The following GDPD5 variants were observed in gnomAD, a reference collection of about 807,000 sequenced individuals.
The protein encoded by GDPD5 is glycerophosphodiester phosphodiesterase 2.
A neutral mutation model predicts 75.1 loss-of-function variants in GDPD5; 48 were observed. The ratio of observed to expected loss-of-function variants is 0.64; its 90% CI spans 0.51 to 0.81. The LOEUF (loss-of-function observed/expected upper bound fraction) is 0.81, where lower values mean the gene tolerates loss of function less well. Among genes scored for constraint, GDPD5 ranks in the 40% least tolerant of loss-of-function variants. The pLI is 0.00. For missense variants in GDPD5, 706 were observed against 822.6 expected (o/e 0.86, Z 1.73); for synonymous variants, 336 against 339.0 (o/e 0.99, Z 0.10).
rs1263115609 is a variant in GDPD5 at position 75,515,783 on chromosome 11, C to T, written c.-145+9427G>A. 2.6e-5 allele frequency among the ~76,000 whole-genome samples: 4 copies of T among 152,214 alleles called. No individual in the cohort carries two copies. In the East Asian group the frequency reaches 7.7e-4, roughly 29 times the overall value. ...TGCTCCACTCCAGAGGTTCCCCTGTCCCTGGCAGGGTCACCCCAGAAGCCA... is the reference window on the plus strand; with the variant it reads ...TGCTCCACTCCAGAGGTTCCCCTGTTCCTGGCAGGGTCACCCCAGAAGCCA... On this transcript the variant is annotated intron_variant, in intron 1 of 16. Transcript: ENST00000336898.
At chr11:75,483,016 C>A (rs927563428) in intron 2 of GDPD5, among the ~76,000 whole-genome samples, 4 of 152,212 alleles carry the variant, frequency 2.6e-5, no homozygotes, top group Non-Finnish European at 1.5e-5. Flanking sequence ...ACTCGGCCGC[C>A]GGGACGATCT....
intron 1 of GDPD5, among the ~76,000 whole-genome samples, chr11:75,519,225 G>C (rs1950705691): frequency 6.6e-6 from 1 of 152,152 alleles, no homozygotes; most frequent in African/African-American, 2.4e-5. Context: ...CCTTTGGAGA[G>C]GAGCTACTCC....
At chr11:75,517,529 C>T (rs905088456) in intron 1 of GDPD5, 1 of 152,160 alleles carries the variant, frequency 6.6e-6, no homozygotes, top group Non-Finnish European at 1.5e-5. Flanking sequence ...GTTCTTCGGT[C>T]CAGCCAGCAG....
intron 1 of GDPD5, among the ~76,000 whole-genome samples, chr11:75,508,569 G>T (rs369775807): frequency 2.2e-3 from 336 of 152,296 alleles, no homozygotes; most frequent in African/African-American, 6.9e-3. Flanking sequence ...TTAAGACAGG[G>T]GGAGAGTTGG....
chr11:75,435,508 TA>T lies in GDPD5; in HGVS notation c.1816del (p.Ter606SerfsTer2). 6.2e-7 allele frequency: 1 copy of T among 1,600,592 alleles called. No homozygotes were observed. The highest frequency in any genetic ancestry group is 8.5e-7 in the Non-Finnish European group (1 of 1,173,606). ...TKTLIERSGR[*>X] is the part of the protein sequence containing the mutation. ...CAGGTGGGACAGACATGTCTTCAGC[TA>T]ACGCCCACTCCGCTCTATGAGGGTC... On this transcript the variant is annotated frameshift_variant and stop_lost, in exon 17 of 17. Coordinates refer to ENST00000336898, the MANE Select transcript of GDPD5 (RefSeq NM_030792.8). LOFTEE classifies it high-confidence loss of function.
chr11:75,522,748 G>A lies in GDPD5; in HGVS notation c.-145+2462C>T, dbSNP rs563378109. ...AGGGTTCAGAAGCTCACTGAACATA[G>A]AGCTATTTCCCTGAGCCTGCCCCCA... On this transcript the variant is annotated intron_variant, in intron 1 of 16. Transcript: ENST00000336898. 6.1e-4 allele frequency among the ~76,000 whole-genome samples: 93 copies of A among 152,224 alleles called. 2 individuals are homozygous for A. Among genetic ancestry groups the A allele is most frequent in the African/African-American group, 2.1e-3 (88 of 41,530 alleles).
chr11:75,474,161 G>A lies in GDPD5; in HGVS notation c.117+3458C>T, dbSNP rs942429822. Among the ~76,000 whole-genome samples, 10 of 152,330 alleles carry A rather than the reference G, an allele frequency of 6.6e-5. 1 individual carries two copies. Among genetic ancestry groups the A allele is most frequent in the African/African-American group, 1.7e-4 (7 of 41,580 alleles). ...CTGAATAACTCCCTTGCTCTTCCTG[G>A]AGGAAATCAATTAAGATTATAGCAG... On this transcript the variant is annotated intron_variant, in intron 3 of 16. Transcript: ENST00000336898.
chr11:75,510,800 T>C (rs74700406), intron 1 of GDPD5, among the ~76,000 whole-genome samples: 3,967 of 148,624 alleles, frequency 0.027, 77 homozygotes, highest in African/African-American at 0.046. Flanking sequence ...TTGACCTCCC[T>C]TGCAACATCT....
At chr11:75,519,547 C>T (rs1950712615) in intron 1 of GDPD5, among the ~76,000 whole-genome samples, 1 of 152,244 alleles carries the variant, frequency 6.6e-6, no homozygotes, top group African/African-American at 2.4e-5. Flanking sequence ...CTAACCTGCA[C>T]TGAGTGCTCA....
chr11:75,469,204 C>T (rs1047606318), intron 3 of GDPD5, among the ~76,000 whole-genome samples: 1 of 152,182 alleles, frequency 6.6e-6, no homozygotes, highest in African/African-American at 2.4e-5. Flanking sequence ...GCCCTGGGAA[C>T]CAGCACCAAT....
rs754023687 is a variant in GDPD5 at position 75,435,663 on chromosome 11, G to A, written c.1670-8C>T. 5.0e-6 allele frequency: 8 copies of A among 1,591,310 alleles called. No homozygotes were observed. The Admixed American group carries it at 1.4e-4, about 27-fold the overall frequency. On this transcript the variant is annotated splice_region_variant and splice_polypyrimidine_tract_variant and intron_variant, in intron 16 of 16. Coordinates refer to ENST00000336898, the MANE Select transcript of GDPD5 (RefSeq NM_030792.8). Reference sequence around the variant, plus strand: ...CTACACCATCGCTGATCTCTGCTGGGCCAGAGGGAGACAGAATGTGAGTCG... The same window carrying A: ...CTACACCATCGCTGATCTCTGCTGGACCAGAGGGAGACAGAATGTGAGTCG...
chr11:75,449,520 T>C lies in GDPD5; in HGVS notation c.565A>G (p.Thr189Ala). The C allele has an allele frequency of 6.4e-7, 1 of 1,569,522 alleles. No homozygotes were observed. Among genetic ancestry groups the C allele is most frequent in the South Asian group, 1.2e-5 (1 of 85,384 alleles). Residue 189 changes from threonine (T) to alanine (A), a missense_variant, in exon 8 of 17, where the codon ACC becomes GCC. Physicochemically the swap from Thr to Ala is moderately conservative, Grantham distance 58. Transcript: ENST00000336898. ...VAGQFARAER[T>A]SSQVTILCTF... ...GGCCCTTCACAGTTCTACTCACAGG[T>C]CCGCTCTGCGCGGGCGAACTGTCCT... is the stretch of plus-strand genomic sequence containing the variant.
At chr11:75,438,474 A>C (rs2135124060) in intron 15 of GDPD5, 1 of 152,418 alleles carries the variant, frequency 6.6e-6, no homozygotes, top group East Asian at 1.9e-4. Flanking sequence ...CCATGTGAGA[A>C]GGCCCAACTC....
Position 75,444,508 on chromosome 11 carries a change from G to C in GDPD5, c.715-13C>G. 2 of 1,602,192 alleles carry C rather than the reference G, an allele frequency of 1.2e-6. No individual in the cohort carries two copies. The highest frequency in any genetic ancestry group is 2.2e-5 in the South Asian group (2 of 90,870). On this transcript the variant is annotated splice_polypyrimidine_tract_variant and intron_variant, in intron 9 of 16. Coordinates refer to ENST00000336898, the MANE Select transcript of GDPD5 (RefSeq NM_030792.8). ...GCTCTGGAGCCAGCTGGGGAAGAAG[G>C]GGTGGTGAAGGGAGAGCCAAGATTC... is the stretch of plus-strand genomic sequence containing the variant.
At chr11:75,499,394 CTT>C (rs376714511) in intron 1 of GDPD5, among the ~76,000 whole-genome samples, 2 of 45,316 alleles carry the variant, frequency 4.4e-5, no homozygotes, top group East Asian at 1.2e-3. Flanking sequence ...TCTTCTTTTC[CTT>C]TTTTTTTTTT....
In GDPD5 at chr11:75,437,030, T is replaced by A; in HGVS notation, c.1575A>T (p.Ile525=). The A allele has an allele frequency of 6.2e-7, 1 of 1,613,314 alleles. No homozygotes were observed. The highest frequency in any genetic ancestry group is 8.5e-7 in the Non-Finnish European group (1 of 1,179,930). The part of the protein sequence containing the change: ...FVLQKWRLGG[I]RSYNPEQIML... ...TGATCTGCTCAGGGTTGTAGCTCCGTATGCCACCCAGGCGCCACCTGCAGA... is the reference window on the plus strand; with the variant it reads ...TGATCTGCTCAGGGTTGTAGCTCCGAATGCCACCCAGGCGCCACCTGCAGA... The change falls in exon 16 of 17, where the codon ATA becomes ATT. Residue 525 remains isoleucine, a synonymous_variant. Coordinates refer to ENST00000336898, the MANE Select transcript of GDPD5 (RefSeq NM_030792.8).
At chr11:75,503,637 G>A (rs1950336217) in intron 1 of GDPD5, among the ~76,000 whole-genome samples, 2 of 152,194 alleles carry the variant, frequency 1.3e-5, no homozygotes, top group African/African-American at 2.4e-5. Flanking sequence ...GGAAGGAATA[G>A]GCAAATGAAT....
intron 3 of GDPD5, among the ~76,000 whole-genome samples, chr11:75,466,208 G>A (rs1408109074): frequency 2.0e-5 from 3 of 152,194 alleles, no homozygotes; most frequent in Admixed American, 2.0e-4. Context: ...CTGGGGTTGG[G>A]GCAACCTAGG....
intron 5 of GDPD5, among the ~76,000 whole-genome samples, chr11:75,457,339 C>A (rs780867350): frequency 6.6e-6 from 1 of 152,154 alleles, no homozygotes; most frequent in African/African-American, 2.4e-5. Flanking sequence ...CCTAGAGAGA[C>A]GGGCAAAAGC....
Sources: gnomAD v4.1 joint callset for allele counts (sites outside exome capture counted in the v4.1 genomes callset) on GRCh38, gnomAD v4.1.1 for gene constraint, MANE v1.5 for transcripts, NCBI Gene and HGNC (gene_info 2026-07-23, HGNC 2026-07-21) for gene names.